RECQL: variants seen among roughly 807,000 people sequenced by gnomAD.
RECQL encodes ATP-dependent DNA helicase Q1.
Under a neutral mutation model 75.8 loss-of-function variants are expected in RECQL, and 73 were observed. That is an observed-to-expected ratio of 0.96 (90% CI 0.80 to 1.17). The LOEUF is 1.17. Ranked by LOEUF, RECQL falls within the 50% of genes most tolerant of loss-of-function variation. RECQL has a pLI of 0.00. For missense variants in RECQL, 699 were observed against 772.1 expected (o/e 0.91, Z 1.12); for synonymous variants, 248 against 254.4 (o/e 0.97, Z 0.24).
chr12:21,479,813 T>G (rs1210056295), intron 6 of RECQL, among the ~76,000 whole-genome samples: 4 of 152,102 alleles, frequency 2.6e-5, no homozygotes, highest in African/African-American at 9.7e-5. Flanking sequence ...GACATGACAT[T>G]CAGGATAAAT....
rs1289369316 is a variant in RECQL, at chr12:21,469,338, CTG to C, written c.*854_*855del. The C allele has an allele frequency of 6.6e-6, 1 of 151,994 alleles. No individual in the cohort carries two copies. The highest frequency in any genetic ancestry group is 2.4e-5 in the African/African-American group (1 of 41,368). The allele number at this position is 151,994 out of a possible 1,614,324, so 9.4% of individuals were successfully genotyped here. A position where few individuals can be genotyped will look rare whatever the true frequency, so the allele number is the denominator to read the frequency against. ...GCTTTGAATGCAGCCCAACACAAAT[CTG>C]TAAACTTTCTTAAAACATGAGATTT... On this transcript the variant is annotated 3_prime_UTR_variant, in exon 15 of 15. Transcript: ENST00000444129.
chr12:21,472,669 G>A (rs572239627), intron 12 of RECQL, among the ~76,000 whole-genome samples: 69 of 152,048 alleles, frequency 4.5e-4, no homozygotes, highest in Non-Finnish European at 8.8e-4. Context: ...GTTTGGGCCA[G>A]TTTCTTTGCT....
At chr12:21,490,657 G>T (rs1357428726) in intron 3 of RECQL, among the ~76,000 whole-genome samples, 2 of 152,046 alleles carry the variant, frequency 1.3e-5, no homozygotes, top group East Asian at 3.9e-4. Context: ...ACCAGCCTGA[G>T]CTCAAGCGAT....
chr12:21,479,585 T>G (rs1943154511), intron 6 of RECQL, among the ~76,000 whole-genome samples: 1 of 152,098 alleles, frequency 6.6e-6, no homozygotes, highest in South Asian at 2.1e-4. Context: ...ATTCCTGACC[T>G]CAGGTGATCC....
intron 6 of RECQL, among the ~76,000 whole-genome samples, chr12:21,481,686 C>T (rs574160290): frequency 2.0e-5 from 3 of 152,090 alleles, no homozygotes; most frequent in African/African-American, 4.8e-5. Flanking sequence ...ATGCAGTCTT[C>T]GGGCTACAAG....
In RECQL at chr12:21,477,857, A is replaced by T. The variant is rs1943115169; in HGVS notation, c.813T>A (p.Ile271=). Residue 271 remains isoleucine, a synonymous_variant, in exon 7 of 15, where the codon ATT becomes ATA. Transcript: ENST00000444129. ...AAGCTGTAAAAGTAAAACACTTTTCAATGCACAAAATTTTCTGAGCATCCG... is the reference window on the plus strand; with the variant it reads ...AAGCTGTAAAAGTAAAACACTTTTCTATGCACAAAATTTTCTGAGCATCCG... ...VLTDAQKILC[I]EKCFTFTASF... 1 of 1,613,846 alleles carries T rather than the reference A, an allele frequency of 6.2e-7. No homozygotes were observed. The highest frequency in any genetic ancestry group is 1.7e-5 in the Admixed American group (1 of 59,986).
In RECQL at chr12:21,499,634, C is replaced by A; in HGVS notation, c.-45-19G>T. Reference sequence around the variant, plus strand: ...TTTCTTTCTAAAAATAAAAGCACAACAGTGACAACAAGTTTTTAAAAATAG... The same window carrying A: ...TTTCTTTCTAAAAATAAAAGCACAAAAGTGACAACAAGTTTTTAAAAATAG... On this transcript the variant is annotated intron_variant, in intron 1 of 14. Coordinates refer to ENST00000444129, the MANE Select transcript of RECQL (RefSeq NM_002907.4). The A allele has an allele frequency of 7.5e-7, 1 of 1,341,926 alleles. No individual in the cohort carries two copies. Among genetic ancestry groups the A allele is most frequent in the Non-Finnish European group, 1.0e-6 (1 of 953,408 alleles). 83.1% of individuals were successfully genotyped at this position (1,341,926 alleles called of 1,614,324 possible). A position where few individuals can be genotyped will look rare whatever the true frequency, so the allele number is the denominator to read the frequency against.
intron 14 of RECQL, 164 bp downstream of exon 14, chr12:21,470,805 C>G (rs1306802665): frequency 2.1e-6 from 1 of 466,354 alleles, no homozygotes; most frequent in Non-Finnish European, 3.5e-6. Context: ...TCACTTACAT[C>G]TTTACAGAAA....
intron 4 of RECQL, among the ~76,000 whole-genome samples, chr12:21,488,654 C>G (rs894577083): frequency 6.6e-6 from 1 of 152,150 alleles, no homozygotes; most frequent in African/African-American, 2.4e-5. Flanking sequence ...CACCACTTGT[C>G]CAAGCCTAAA....
chr12:21,492,387 C>T (rs1943430587), intron 2 of RECQL, among the ~76,000 whole-genome samples: 2 of 152,254 alleles, frequency 1.3e-5, no homozygotes, highest in South Asian at 4.1e-4. Context: ...GATACCACAT[C>T]GATGGAAGCT....
chr12:21,470,988 G>A lies in RECQL; in HGVS notation c.1778C>T (p.Ser593Phe), dbSNP rs1473374235. ...ATTTACCCTGAAAGAGTTCTGCGTGGACTTTGTCACTTGCATAGTAATAGC... is the reference window on the plus strand; with the variant it reads ...ATTTACCCTGAAAGAGTTCTGCGTGAACTTTGTCACTTGCATAGTAATAGC... ...AHAITMQVTK[S>F]TQNSFRAESS... is the part of the protein sequence containing the mutation. The change falls in exon 14 of 15, where the codon TCC becomes TTC. Residue 593 changes from serine (S) to phenylalanine (F), a missense_variant. Ser to Phe is a radical substitution (Grantham distance 155). Around this residue, in one of 2 missense-constraint regions of RECQL, gnomAD observed 669 missense variants for 713.5 expected, o/e 0.94. Transcript: ENST00000444129. 6 of 1,557,674 alleles carry A rather than the reference G, an allele frequency of 3.9e-6. No individual in the cohort carries two copies. The highest frequency in any genetic ancestry group is 1.2e-5 in the South Asian group (1 of 81,504).
chr12:21,478,865 A>G (rs989080277), intron 6 of RECQL, among the ~76,000 whole-genome samples: 1 of 152,194 alleles, frequency 6.6e-6, no homozygotes, highest in Non-Finnish European at 1.5e-5. Context: ...GTGCTCAGCC[A>G]GTTCTAGGTC....
chr12:21,471,747 A>G (rs972558127), intron 12 of RECQL, 100 bp from the exon 13 acceptor site: 51 of 868,474 alleles, frequency 5.9e-5, no homozygotes, highest in Non-Finnish European at 8.8e-5. Flanking sequence ...CTGGTTATCA[A>G]TGTGAGCCAC....
At chr12:21,500,718 A>G (rs1471607354) in intron 1 of RECQL, among the ~76,000 whole-genome samples, 1 of 152,200 alleles carries the variant, frequency 6.6e-6, no homozygotes, top group East Asian at 1.9e-4. Context: ...TCACCTTTGT[A>G]TCCGCACAGC....
intron 2 of RECQL, among the ~76,000 whole-genome samples, chr12:21,498,168 T>A (rs1017383927): frequency 3.9e-5 from 6 of 152,200 alleles, no homozygotes; most frequent in African/African-American, 1.4e-4. Flanking sequence ...TCTAACTATG[T>A]TCACCAACAA....
At chr12:21,489,112 TA>T (rs1283663227) in intron 4 of RECQL, among the ~76,000 whole-genome samples, 1 of 152,238 alleles carries the variant, frequency 6.6e-6, no homozygotes, top group Non-Finnish European at 1.5e-5. Flanking sequence ...AATTCCCTAT[TA>T]AAACCTTTAT....
At chr12:21,497,858 C>T (rs1943537292) in intron 2 of RECQL, among the ~76,000 whole-genome samples, 1 of 152,188 alleles carries the variant, frequency 6.6e-6, no homozygotes. Flanking sequence ...CTCATACCAA[C>T]CTTGAGTTCC....
chr12:21,471,122 T>C (rs200994206), intron 13 of RECQL, 24 bp from the exon 14 acceptor site: 40 of 1,546,110 alleles, frequency 2.6e-5, no homozygotes, highest in Middle Eastern at 3.5e-4. Context: ...AGGCCAACAA[T>C]AAGAAAGCTT....
chr12:21,475,363 A>G lies in RECQL; in HGVS notation c.1216+105T>C, dbSNP rs982862553. On this transcript the variant is annotated intron_variant, in intron 10 of 14. Transcript: ENST00000444129. ...ACTGCTAAAAATACATTGTTCTAAA[A>G]ATACTATCCAATAAAGATAAAACAT... The G allele has an allele frequency of 8.3e-6, 6 of 726,572 alleles. No individual in the cohort carries two copies. In the Admixed American group the frequency reaches 1.6e-4, roughly 19 times the overall value. 45.0% of individuals were successfully genotyped at this position (726,572 alleles called of 1,614,324 possible).
Sources: allele counts gnomAD v4.1 joint callset (sites outside exome capture counted in the v4.1 genomes callset), GRCh38; gene constraint gnomAD v4.1.1; regional missense constraint gnomAD v4.1.1; transcripts MANE v1.5; gene names NCBI Gene and HGNC (gene_info 2026-07-23, HGNC 2026-07-21).